The following CCDC85A variants were observed in gnomAD, a reference collection of about 807,000 sequenced individuals.
The protein encoded by CCDC85A is coiled-coil domain-containing protein 85A.
A neutral mutation model predicts 50.2 loss-of-function variants in CCDC85A; 38 were observed. That is an observed-to-expected ratio of 0.76 (90% CI 0.58 to 0.99). The LOEUF (loss-of-function observed/expected upper bound fraction) is 0.99, where lower values mean the gene tolerates loss of function less well. Among genes scored for constraint, CCDC85A ranks in the 50% least tolerant of loss-of-function variants. The pLI is 0.00. For synonymous variants in CCDC85A, 366 were observed against 301.4 expected, an observed-to-expected ratio of 1.21 and a Z score of -2.22; for missense variants, 820 against 742.0, an observed-to-expected ratio of 1.11 and a Z score of -1.22.
chr2:56,218,479 A>C (rs1668184443), intron 2 of CCDC85A, among the ~76,000 whole-genome samples: 1 of 151,926 alleles, frequency 6.6e-6, no homozygotes, highest in African/African-American at 2.4e-5. Flanking sequence ...TTTCATATTC[A>C]TTTCTATATA....
intron 2 of CCDC85A, among the ~76,000 whole-genome samples, chr2:56,309,074 C>T (rs952419605): frequency 2.6e-4 from 39 of 152,094 alleles, no homozygotes; most frequent in South Asian, 4.1e-4. Context: ...ATTATTAATA[C>T]GATAGTTCTG....
intron 2 of CCDC85A, among the ~76,000 whole-genome samples, chr2:56,247,556 C>A (rs1326619808): frequency 1.3e-5 from 2 of 152,136 alleles, no homozygotes; most frequent in African/African-American, 4.8e-5. Flanking sequence ...AAATGGGGTC[C>A]TTGAAGCCAC....
chr2:56,368,021 C>T (rs551556508), intron 3 of CCDC85A, among the ~76,000 whole-genome samples: 3 of 149,884 alleles, frequency 2.0e-5, no homozygotes, highest in Admixed American at 6.7e-5. Context: ...TCCGGCACTG[C>T]GACCCTGGAG....
rs1675930245 is a variant in CCDC85A, at chr2:56,184,820, G to C, written c.196G>C (p.Ala66Pro). Residue 66 changes from alanine to proline, a missense_variant, in exon 1 of 6, where the codon GCG (alanine) becomes CCG (proline). Coordinates refer to ENST00000407595, the MANE Select transcript of CCDC85A (RefSeq NM_001080433.2). ...LRRAEAEKVS[A>P]MLDHSNLIRE... ...GCGCGCCGAGGCGGAGAAGGTGAGC[G>C]CGATGCTGGACCACAGCAACCTCAT... is the stretch of plus-strand genomic sequence containing the variant. The C allele has an allele frequency of 6.5e-7, 1 of 1,545,394 alleles. No individual in the cohort carries two copies. The highest frequency in any genetic ancestry group is 2.0e-5 in the Admixed American group (1 of 50,904).
Position 56,192,800 on chromosome 2 carries a change from C to T in CCDC85A, c.600C>T (p.Thr200=), listed in dbSNP as rs776970983. The change falls in exon 2 of 6, where the codon ACC becomes ACT. Residue 200 remains threonine, a synonymous_variant. Transcript: ENST00000407595. The surrounding 1 kb of genome is among the most constrained non-coding windows in gnomAD (Gnocchi z 4.7). The part of the protein sequence containing the change: ...QASLCQLTAS[T]APYVRDVGDG... ...GCCTGTGCCAACTCACAGCCTCCAC[C>T]GCACCCTACGTGCGGGATGTGGGTG... 5.7e-5 allele frequency: 92 copies of T among 1,613,318 alleles called. No individual in the cohort carries two copies. Among genetic ancestry groups the T allele is most frequent in the Non-Finnish European group, 7.1e-5 (84 of 1,179,662 alleles).
intron 3 of CCDC85A, among the ~76,000 whole-genome samples, chr2:56,358,888 G>A (rs965286443): frequency 4.0e-5 from 6 of 151,440 alleles, no homozygotes; most frequent in African/African-American, 7.3e-5. Flanking sequence ...AGGTTCAAGC[G>A]CTTCTTCTGC....
intron 2 of CCDC85A, among the ~76,000 whole-genome samples, chr2:56,227,178 A>G (rs924519895): frequency 1.3e-5 from 2 of 152,130 alleles, no homozygotes; most frequent in Middle Eastern, 3.2e-3. Context: ...CACTGATTTG[A>G]TATGAGTTCT....
intron 2 of CCDC85A, among the ~76,000 whole-genome samples, chr2:56,233,921 A>G (rs988666132): frequency 6.6e-6 from 1 of 152,134 alleles, no homozygotes; most frequent in Non-Finnish European, 1.5e-5. Context: ...TTTCTGTCAG[A>G]AAGGGGAAAA....
intron 2 of CCDC85A, among the ~76,000 whole-genome samples, chr2:56,223,276 G>A (rs950165823): frequency 5.3e-5 from 8 of 152,186 alleles, no homozygotes; most frequent in South Asian, 2.1e-4. Context: ...GTAAAGGGCC[G>A]GATAGTTAAT....
At chr2:56,286,567 A>G (rs759630205) in intron 2 of CCDC85A, among the ~76,000 whole-genome samples, 16 of 152,050 alleles carry the variant, frequency 1.1e-4, no homozygotes, top group Non-Finnish European at 2.2e-4. Flanking sequence ...GCTTTCTTTT[A>G]TATATTTCAT....
At chr2:56,343,049 A>G in intron 3 of CCDC85A, 94 bp downstream of exon 3, 1 of 831,492 alleles carries the variant, frequency 1.2e-6, no homozygotes, top group Non-Finnish European at 1.9e-6. Flanking sequence ...TTTGTCTTTT[A>G]AATGATAGAA....
chr2:56,190,148 C>T (rs1052892628), intron 1 of CCDC85A, among the ~76,000 whole-genome samples: 3 of 152,156 alleles, frequency 2.0e-5, no homozygotes, highest in African/African-American at 7.2e-5. Context: ...TGAAATCAGC[C>T]TGAGTGTAAG....
At position 56,314,472 on chromosome 2, in the gene CCDC85A, ATTTTGTGTTAAAATAGTTTTGG is replaced by A. The variant is rs1354643828; in HGVS notation, c.1241-28406_1241-28385del. Reference sequence around the variant, plus strand: ...TGTAGAGTTTTCCTTTCCAAAAAGCATTTTGTGTTAAAATAGTTTTGGAAGTGCTGCATAGTGTATGTTCCCC... The same window carrying A: ...TGTAGAGTTTTCCTTTCCAAAAAGCAAAGTGCTGCATAGTGTATGTTCCCC... On this transcript the variant is annotated intron_variant, in intron 2 of 5. Coordinates refer to ENST00000407595, the MANE Select transcript of CCDC85A (RefSeq NM_001080433.2). Among the ~76,000 whole-genome samples, 7 of 152,156 alleles carry A rather than the reference ATTTTGTGTTAAAATAGTTTTGG, an allele frequency of 4.6e-5. No homozygotes were observed. In the East Asian group the frequency reaches 1.4e-3, roughly 30 times the overall value.
At position 56,192,532 on chromosome 2, in the gene CCDC85A, T is replaced by G; in HGVS notation, c.332T>G (p.Phe111Cys). 6.2e-7 allele frequency: 1 copy of G among 1,613,812 alleles called. No homozygotes were observed. The highest frequency in any genetic ancestry group is 8.5e-7 in the Non-Finnish European group (1 of 1,179,866). Residue 111 changes from phenylalanine to cysteine, a missense_variant, in exon 2 of 6, where the codon TTC (phenylalanine) becomes TGC (cysteine). Coordinates refer to ENST00000407595, the MANE Select transcript of CCDC85A (RefSeq NM_001080433.2). This position sits in a 1 kb window ranked among gnomAD's most constrained non-coding sequence, Gnocchi z 4.7. ...DNQELRDLCC[F>C]LDDDRQKGKR... ...CAGGAACTGAGGGACCTCTGCTGTT[T>G]CCTGGATGATGACCGGCAGAAAGGC... is the stretch of plus-strand genomic sequence containing the variant.
At chr2:56,321,107 C>G (rs924333512) in intron 2 of CCDC85A, among the ~76,000 whole-genome samples, 2 of 152,106 alleles carry the variant, frequency 1.3e-5, no homozygotes, top group African/African-American at 4.8e-5. Flanking sequence ...ATGCTAAAAC[C>G]TCTCAATAAA....
chr2:56,275,623 C>G (rs776389890), intron 2 of CCDC85A, among the ~76,000 whole-genome samples: 1 of 152,156 alleles, frequency 6.6e-6, no homozygotes, highest in Non-Finnish European at 1.5e-5. Flanking sequence ...CTACTATTGA[C>G]CAATACTGAG....
chr2:56,265,042 C>T (rs958897822), intron 2 of CCDC85A, among the ~76,000 whole-genome samples: 1 of 152,176 alleles, frequency 6.6e-6, no homozygotes, highest in South Asian at 2.1e-4. Context: ...ACCTCTGCCC[C>T]TTACCTTCCT....
At chr2:56,271,041 GC>G (rs1414748961) in intron 2 of CCDC85A, among the ~76,000 whole-genome samples, 1 of 152,178 alleles carries the variant, frequency 6.6e-6, no homozygotes, top group African/African-American at 2.4e-5. Flanking sequence ...TCAAAGAAAT[GC>G]AGTGGCTTGC....
At chr2:56,322,924 G>A (rs1311802424) in intron 2 of CCDC85A, among the ~76,000 whole-genome samples, 1 of 152,138 alleles carries the variant, frequency 6.6e-6, no homozygotes, top group Non-Finnish European at 1.5e-5. Context: ...ACTGGATTAA[G>A]GAAATGTGGC....
Sources: gnomAD v4.1 joint callset for allele counts (sites outside exome capture counted in the v4.1 genomes callset) on GRCh38, gnomAD v4.1.1 for gene constraint, Gnocchi (gnomAD v3.1) non-coding constraint, MANE v1.5 for transcripts, NCBI Gene and HGNC (gene_info 2026-07-23, HGNC 2026-07-21) for gene names.